CHPF: variants seen among roughly 807,000 people sequenced by gnomAD.
The protein encoded by CHPF is chondroitin polymerizing factor.
In CHPF, 34 loss-of-function variants were observed where a neutral mutation model predicts 55.1. The observed-to-expected ratio is 0.62, with a 90% CI of 0.47 to 0.82. The LOEUF is 0.82. Ranked by LOEUF, CHPF falls within the 40% of genes least tolerant of loss-of-function variation. CHPF has a pLI of 0.00. For missense variants in CHPF, 961 were observed against 1,106.1 expected, an observed-to-expected ratio of 0.87 and a Z score of 1.86; for synonymous variants, 489 against 496.6, an observed-to-expected ratio of 0.98 and a Z score of 0.20.
intron 3 of CHPF, 86 bp from the exon 4 acceptor site, chr2:219,540,728 C>T: frequency 7.2e-7 from 1 of 1,393,280 alleles, no homozygotes; most frequent in Non-Finnish European, 9.7e-7. Context: ...GTAGGTGCCA[C>T]TCAGGATGGG....
Position 219,539,490 on chromosome 2 carries a change from TGAGCCTCG to T in CHPF, c.2213_2220del (p.Ala738GlufsTer2). ...AGGCAGCGGTGGTACAGGTCCTCACTGAGCCTCGCGCTGCACGTCTGGGCCCGGTAGCG... is the reference window on the plus strand; with the variant it reads ...AGGCAGCGGTGGTACAGGTCCTCACTCGCTGCACGTCTGGGCCCGGTAGCG... On this transcript the variant is annotated frameshift_variant, in exon 4 of 4. Transcript: ENST00000243776. LOFTEE classifies it high-confidence loss of function. 6.2e-7 allele frequency: 1 copy of T among 1,613,688 alleles called. No homozygotes were observed. Among genetic ancestry groups the T allele is most frequent in the South Asian group, 1.1e-5 (1 of 91,072 alleles).
In CHPF at chr2:219,542,242, G is replaced by A; in HGVS notation, c.315-53C>T. The A allele has an allele frequency of 4.3e-5, 16 of 371,366 alleles. 5 individuals carry two copies. Among genetic ancestry groups the A allele is most frequent in the Non-Finnish European group, 6.0e-5 (13 of 216,660 alleles). The allele number at this position is 371,366 out of a possible 1,614,324, so 23.0% of individuals were successfully genotyped here. Reference sequence around the variant, plus strand: ...CAAAAGGACAACGGGGCGGGGGGTGGGGGGGAGGTGGTCAGCACAGACCCT... The same window carrying A: ...CAAAAGGACAACGGGGCGGGGGGTGAGGGGGAGGTGGTCAGCACAGACCCT... On this transcript the variant is annotated intron_variant, in intron 1 of 3. Coordinates refer to ENST00000243776, the MANE Select transcript of CHPF (RefSeq NM_024536.6).
Position 219,542,059 on chromosome 2 carries a change from C to T in CHPF, c.445G>A (p.Val149Met). 1.3e-6 allele frequency: 2 copies of T among 1,577,562 alleles called. No individual in the cohort carries two copies. The highest frequency in any genetic ancestry group is 1.7e-6 in the Non-Finnish European group (2 of 1,167,110). The stretch of plus-strand genomic sequence containing the variant: ...CGGCCCCGTGCGCCCGTCAGGAACA[C>T]CACACGCTCCAGCCGGTGCCCCAGC... Reference protein sequence around the residue: ...RTLGHRLERVVFLTGARGRRA... With the variant: ...RTLGHRLERVMFLTGARGRRA... Residue 149 changes from valine to methionine, a missense_variant, in exon 2 of 4, where the codon GTG becomes ATG. Physicochemically the swap from Val to Met is conservative, Grantham distance 21 (BLOSUM62 1). This residue lies in a region of CHPF where 936 missense variants were observed against 1,058.4 expected (regional missense o/e 0.88). Transcript: ENST00000243776.
chr2:219,540,399 G>A lies in CHPF; in HGVS notation c.1312C>T (p.His438Tyr). The A allele has an allele frequency of 1.2e-6, 2 of 1,613,394 alleles. No individual in the cohort carries two copies. Among genetic ancestry groups the A allele is most frequent in the South Asian group, 1.1e-5 (1 of 91,090 alleles). Reference protein sequence around the residue: ...TALEELNRRYHPALRLQKQQL... With the variant: ...TALEELNRRYYPALRLQKQQL... ...TGCTTCTGGAGCCGCAAGGCCGGGTGGTAGCGGCGGTTCAGCTCCTCTAGA... is the reference window on the plus strand; with the variant it reads ...TGCTTCTGGAGCCGCAAGGCCGGGTAGTAGCGGCGGTTCAGCTCCTCTAGA... Residue 438 changes from histidine to tyrosine, a missense_variant, in exon 4 of 4, where the codon CAC becomes TAC. This residue lies in a region of CHPF where 936 missense variants were observed against 1,058.4 expected (regional missense o/e 0.88). Transcript: ENST00000243776.
Position 219,539,659 on chromosome 2 carries a change from A to G in CHPF, c.2052T>C (p.Tyr684=), listed in dbSNP as rs1976616. ...ASEACFYNSD[Y]VAARGRLAAA... ...CCGCCAGGCGCCCACGGGCTGCCAC[A>G]TAGTCGGAGTTGTAGAAGCAGGCCT... is the stretch of plus-strand genomic sequence containing the variant. Residue 684 remains tyrosine, a synonymous_variant, in exon 4 of 4, where the codon TAT becomes TAC. Transcript: ENST00000243776. 1 allele frequency: 1,607,536 copies of G among 1,613,532 alleles called. 800,954 individuals carry two copies. Among genetic ancestry groups the G allele is most frequent in the East Asian group, 1 (44,859 of 44,862 alleles).
Position 219,539,606 on chromosome 2 carries a change from A to G in CHPF, c.2105T>C (p.Leu702Pro). The G allele has an allele frequency of 6.2e-7, 1 of 1,613,924 alleles. No individual in the cohort carries two copies. Among genetic ancestry groups the G allele is most frequent in the Non-Finnish European group, 8.5e-7 (1 of 1,179,958 alleles). The change falls in exon 4 of 4, where the codon CTG becomes CCG. Residue 702 changes from leucine to proline, a missense_variant. Leu to Pro is a moderately conservative substitution (Grantham distance 98). This residue lies in a region of CHPF where 936 missense variants were observed against 1,058.4 expected (regional missense o/e 0.88). Coordinates refer to ENST00000243776, the MANE Select transcript of CHPF (RefSeq NM_024536.6). ...CAGCTCGTACACATCCAGGCTCTCC[A>G]GCAGCTCCTCTTCTTGTTCTGAGGC... ...AAASEQEEEL[L>P]ESLDVYELFL...
intron 1 of CHPF, 162 bp downstream of exon 1, chr2:219,543,063 C>T: frequency 1.5e-6 from 2 of 1,361,408 alleles, no homozygotes; most frequent in South Asian, 1.8e-5. Flanking sequence ...CGGACTGGCC[C>T]CACGGCTCTC....
Position 219,541,895 on chromosome 2 carries a change from G to A in CHPF, c.609C>T (p.Tyr203=), listed in dbSNP as rs1192734695. ...DWFFLVPDTT[Y]TEAHGLARLT... is the part of the protein sequence containing the mutation. ...GGCGTGCCAGGCCGTGCGCCTCGGTGTAGGTGGTGTCAGGCACCAGGAAGA... is the reference window on the plus strand; with the variant it reads ...GGCGTGCCAGGCCGTGCGCCTCGGTATAGGTGGTGTCAGGCACCAGGAAGA... The change falls in exon 2 of 4, where the codon TAC becomes TAT. Residue 203 remains tyrosine (Y), a synonymous_variant. Coordinates refer to ENST00000243776, the MANE Select transcript of CHPF (RefSeq NM_024536.6). 1 of 1,613,514 alleles carries A rather than the reference G, an allele frequency of 6.2e-7. No homozygotes were observed. The highest frequency in any genetic ancestry group is 2.2e-5 in the East Asian group (1 of 44,876).
Position 219,543,573 on chromosome 2 carries a change from C to G in CHPF, c.-35G>C, listed in dbSNP as rs1408963613. 3 of 1,316,532 alleles carry G rather than the reference C, an allele frequency of 2.3e-6. No homozygotes were observed. The highest frequency in any genetic ancestry group is 4.2e-5 in the South Asian group (2 of 48,126). The allele number at this position is 1,316,532 out of a possible 1,614,324, so 81.6% of individuals were successfully genotyped here. ...ACCGCGGGTCCCCGGCCCCGGCGAACCCCCAGAGCAGCCAGAGGAGTCTCC... is the reference window on the plus strand; with the variant it reads ...ACCGCGGGTCCCCGGCCCCGGCGAAGCCCCAGAGCAGCCAGAGGAGTCTCC... On this transcript the variant is annotated 5_prime_UTR_variant, in exon 1 of 4. Transcript: ENST00000243776.
In CHPF at chr2:219,539,245, C is replaced by G; in HGVS notation, c.*138G>C. 1 of 808,638 alleles carries G rather than the reference C, an allele frequency of 1.2e-6. No homozygotes were observed. The highest frequency in any genetic ancestry group is 1.9e-6 in the Non-Finnish European group (1 of 525,834). 50.1% of individuals were successfully genotyped at this position (808,638 alleles called of 1,614,324 possible). ...GTCCAGAGCCCAGGGACCCACAGAG[C>G]CAGAGAGGGGACCAGTGGGCCAGCT... On this transcript the variant is annotated 3_prime_UTR_variant, in exon 4 of 4. Transcript: ENST00000243776.
chr2:219,541,232 C>A, intron 2 of CHPF, 107 bp from the exon 3 acceptor site: 3 of 1,120,784 alleles, frequency 2.7e-6, no homozygotes, highest in South Asian at 1.8e-5. Context: ...GACTTGCAGT[C>A]TGAGGGTTTA....
At position 219,539,098 on chromosome 2, in the gene CHPF, T is replaced by A. The variant is rs1352500199; in HGVS notation, c.*285A>T. ...CCAGGGCCCAGAGGCAGGGCTGGCG[T>A]CAGGCAGACTGTACTGCATAAATAC... is the stretch of plus-strand genomic sequence containing the variant. On this transcript the variant is annotated 3_prime_UTR_variant, in exon 4 of 4. Transcript: ENST00000243776. 1.8e-5 allele frequency: 7 copies of A among 380,656 alleles called. No individual in the cohort carries two copies. The highest frequency in any genetic ancestry group is 3.3e-5 in the Non-Finnish European group (7 of 211,834). The allele number at this position is 380,656 out of a possible 1,614,324, so 23.6% of individuals were successfully genotyped here. A position where few individuals can be genotyped will look rare whatever the true frequency, so the allele number is the denominator to read the frequency against.
rs187849167 is a variant in CHPF at position 219,541,017 on chromosome 2, T to C, written c.997A>G (p.Met333Val). ...GCGAAAGCTTTGTGCAGCTGGTACA[T>C]GTGCACAGGGTCACGCACAGGGTGG... Reference protein sequence around the residue: ...TAHPVRDPVHMYQLHKAFARA... With the variant: ...TAHPVRDPVHVYQLHKAFARA... Residue 333 changes from methionine to valine, a missense_variant, in exon 3 of 4, where the codon ATG becomes GTG. Met to Val is a conservative substitution (Grantham distance 21). Around this residue, in one of 3 missense-constraint regions of CHPF, gnomAD observed 936 missense variants for 1,058.4 expected, o/e 0.88. Coordinates refer to ENST00000243776, the MANE Select transcript of CHPF (RefSeq NM_024536.6). The C allele has an allele frequency of 6.2e-6, 10 of 1,613,978 alleles. No homozygotes were observed. The highest frequency in any genetic ancestry group is 8.5e-7 in the Non-Finnish European group (1 of 1,179,974).
Position 219,543,460 on chromosome 2 carries a change from T to C in CHPF, c.79A>G (p.Ser27Gly). 6.7e-7 allele frequency: 1 copy of C among 1,482,630 alleles called. No homozygotes were observed. The highest frequency in any genetic ancestry group is 8.9e-7 in the Non-Finnish European group (1 of 1,124,500). 91.8% of individuals were successfully genotyped at this position (1,482,630 alleles called of 1,614,324 possible). ...TCCACCCAGGTGACGCTGAGCAGGCTCAGGGTGAAGCCCAGGGAGATGCCC... is the reference window on the plus strand; with the variant it reads ...TCCACCCAGGTGACGCTGAGCAGGCCCAGGGTGAAGCCCAGGGAGATGCCC... Reference protein sequence around the residue: ...AVGISLGFTLSLLSVTWVEEP... With the variant: ...AVGISLGFTLGLLSVTWVEEP... The change falls in exon 1 of 4, where the codon AGC (serine) becomes GGC (glycine). Residue 27 changes from serine (S) to glycine (G), a missense_variant. Physicochemically the swap from Ser to Gly is moderately conservative, Grantham distance 56. This residue lies in a region of CHPF where 6 missense variants were observed against 25.2 expected (regional missense o/e 0.24). Transcript: ENST00000243776.
At position 219,539,329 on chromosome 2, in the gene CHPF, G is replaced by A; in HGVS notation, c.*54C>T. The A allele has an allele frequency of 2.6e-6, 4 of 1,510,808 alleles. No individual in the cohort carries two copies. Among genetic ancestry groups the A allele is most frequent in the Non-Finnish European group, 3.6e-6 (4 of 1,123,184 alleles). The allele number at this position is 1,510,808 out of a possible 1,614,324, so 93.6% of individuals were successfully genotyped here. On this transcript the variant is annotated 3_prime_UTR_variant, in exon 4 of 4. Transcript: ENST00000243776. The stretch of plus-strand genomic sequence containing the variant: ...GGCTGGCAGGTGGCTCTGGTTTTGG[G>A]GGAGAAGTGGGGTGGGGTGTGGCCA...
rs778191760 is a variant in CHPF at position 219,541,970 on chromosome 2, G to A, written c.534C>T (p.His178=). The A allele has an allele frequency of 4.0e-5, 64 of 1,611,242 alleles. No individual in the cohort carries two copies. Among genetic ancestry groups the A allele is most frequent in the Middle Eastern group, 1.7e-4 (1 of 6,058 alleles). The change falls in exon 2 of 4, where the codon CAC becomes CAT. Residue 178 remains histidine (H), a synonymous_variant. Coordinates refer to ENST00000243776, the MANE Select transcript of CHPF (RefSeq NM_024536.6). ...LGEERPIGHL[H]LALRHLLEQH... ...GCTCCAGCAGGTGGCGCAGCGCCAG[G>A]TGCAGGTGTCCAATGGGTCGCTCCT...
chr2:219,541,305 G>A (rs1268856461), intron 2 of CHPF, among the ~76,000 whole-genome samples, 180 bp from the exon 3 acceptor site: 3 of 152,208 alleles, frequency 2.0e-5, no homozygotes, highest in South Asian at 2.1e-4. Context: ...GCTCATCTGC[G>A]AAATGGGCAT....
chr2:219,540,912 C>T lies in CHPF; in HGVS notation c.1068+34G>A, dbSNP rs763494841. The T allele has an allele frequency of 1.4e-5, 22 of 1,601,592 alleles. No homozygotes were observed. The South Asian group carries it at 2.3e-4, about 16-fold the overall frequency. On this transcript the variant is annotated intron_variant, in intron 3 of 3. Transcript: ENST00000243776. ...CTCTGTGACTTCTCAGATCCTGTCC[C>T]CGTCACTCTGCCACCCCCAGACCTA...
In CHPF at chr2:219,543,658, G is replaced by T; in HGVS notation, c.-120C>A. ...GGGCTCGGGCCCCGCGGGCGGGCCC[G>T]CTCCCTCCCCGCAGAGCAGAGCCAG... is the stretch of plus-strand genomic sequence containing the variant. On this transcript the variant is annotated 5_prime_UTR_variant, in exon 1 of 4. Coordinates refer to ENST00000243776, the MANE Select transcript of CHPF (RefSeq NM_024536.6). The T allele has an allele frequency of 4.3e-6, 3 of 695,852 alleles. No homozygotes were observed. The highest frequency in any genetic ancestry group is 6.2e-6 in the Non-Finnish European group (3 of 484,812). The allele number at this position is 695,852 out of a possible 1,614,324, so 43.1% of individuals were successfully genotyped here.
Sources: allele counts gnomAD v4.1 joint callset (sites outside exome capture counted in the v4.1 genomes callset), GRCh38; gene constraint gnomAD v4.1.1; regional missense constraint gnomAD v4.1.1; transcripts MANE v1.5; gene names NCBI Gene and HGNC (gene_info 2026-07-23, HGNC 2026-07-21).